MACROD2: variants seen among roughly 807,000 people sequenced by gnomAD.
The protein encoded by MACROD2 is ADP-ribose glycohydrolase MACROD2.
A neutral mutation model predicts 70.4 loss-of-function variants in MACROD2; 36 were observed. The observed-to-expected ratio is 0.51, with a 90% CI of 0.39 to 0.68. The LOEUF is 0.68. MACROD2 is among the 30% of genes least tolerant of loss of function. MACROD2 has a pLI of 0.00. For synonymous variants in MACROD2, 172 were observed against 178.8 expected (o/e 0.96, Z 0.30); for missense variants, 496 against 538.4 (o/e 0.92, Z 0.78).
chr20:14,987,390 T>C (rs565319977), intron 5 of MACROD2, among the ~76,000 whole-genome samples: 32 of 152,324 alleles, frequency 2.1e-4, no homozygotes, highest in Middle Eastern at 3.4e-3. Context: ...TTACTGGGAT[T>C]GTTGCCGCCG....
At chr20:15,072,776 C>T (rs1486865809) in intron 5 of MACROD2, among the ~76,000 whole-genome samples, 1 of 151,988 alleles carries the variant, frequency 6.6e-6, no homozygotes, top group Non-Finnish European at 1.5e-5. Context: ...TCCCCCTTTC[C>T]ACATCTAAAA....
intron 4 of MACROD2, among the ~76,000 whole-genome samples, chr20:14,527,170 G>A (rs1340046660): frequency 6.6e-6 from 1 of 152,184 alleles, no homozygotes; most frequent in Admixed American, 6.5e-5. Flanking sequence ...GCCGACGTCT[G>A]TCAGTTTGTT....
chr20:14,554,987 G>A (rs1347400887), intron 4 of MACROD2, among the ~76,000 whole-genome samples: 1 of 150,542 alleles, frequency 6.6e-6, no homozygotes, highest in Non-Finnish European at 1.5e-5. Context: ...TAGAGGTAGG[G>A]GGTAGGGATG....
Position 15,920,763 on chromosome 20 carries a change from G to T in MACROD2, c.776-12513G>T, listed in dbSNP as rs1425307580. Among the ~76,000 whole-genome samples, 15 of 152,182 alleles carry T rather than the reference G, an allele frequency of 9.9e-5. No homozygotes were observed. In the East Asian group the frequency reaches 2.9e-3, roughly 29 times the overall value. ...CCCTGCTAGCTATGGGTGCTTTGGA[G>T]AATTGCAGAGACTAGAACAACATTT... On this transcript the variant is annotated intron_variant, in intron 10 of 17. Transcript: ENST00000684519.
intron 5 of MACROD2, among the ~76,000 whole-genome samples, chr20:15,189,844 T>A (rs1384593387): frequency 2.0e-5 from 3 of 151,766 alleles, no homozygotes; most frequent in Non-Finnish European, 4.4e-5. Context: ...CCGAGATGAT[T>A]TTTTTTTTCC....
intron 6 of MACROD2, among the ~76,000 whole-genome samples, chr20:15,309,320 T>A (rs1464352005): frequency 6.6e-6 from 1 of 152,204 alleles, no homozygotes; most frequent in Non-Finnish European, 1.5e-5. Context: ...CATTATCTTT[T>A]CCTCCAGGTC....
intron 5 of MACROD2, among the ~76,000 whole-genome samples, chr20:15,158,286 A>G (rs2076323173): frequency 6.6e-6 from 1 of 152,206 alleles, no homozygotes; most frequent in Admixed American, 6.5e-5. Flanking sequence ...ATGATAAGAC[A>G]GTAATTATGA....
At chr20:15,467,195 G>T (rs78870067) in intron 7 of MACROD2, among the ~76,000 whole-genome samples, 1 of 152,232 alleles carries the variant, frequency 6.6e-6, no homozygotes, top group Non-Finnish European at 1.5e-5. Flanking sequence ...AGATCCACGA[G>T]TGATGGGATT....
At chr20:14,539,449 G>T (rs2123228327) in intron 4 of MACROD2, among the ~76,000 whole-genome samples, 1 of 152,234 alleles carries the variant, frequency 6.6e-6, no homozygotes, top group East Asian at 1.9e-4. Flanking sequence ...GAGTGTTGGG[G>T]GAGTGAGGGA....
intron 4 of MACROD2, among the ~76,000 whole-genome samples, chr20:14,534,256 G>C (rs1028908489): frequency 6.6e-6 from 1 of 152,162 alleles, no homozygotes; most frequent in African/African-American, 2.4e-5. Context: ...TGAACAAAGA[G>C]GAACTAAAGG....
chr20:14,708,875 C>G (rs1287994916), intron 5 of MACROD2, among the ~76,000 whole-genome samples: 3 of 152,168 alleles, frequency 2.0e-5, no homozygotes, highest in Non-Finnish European at 4.4e-5. Flanking sequence ...ACCTCGGCCT[C>G]CCAAAGTGCT....
At chr20:14,188,130 A>T (rs927713873) in intron 3 of MACROD2, among the ~76,000 whole-genome samples, 5 of 152,172 alleles carry the variant, frequency 3.3e-5, no homozygotes, top group Non-Finnish European at 1.5e-5. Flanking sequence ...AGAGTTTCTC[A>T]AATTGTGGTC....
intron 5 of MACROD2, among the ~76,000 whole-genome samples, chr20:14,974,055 C>A (rs553979440): frequency 5.1e-4 from 77 of 152,304 alleles, no homozygotes; most frequent in African/African-American, 1.8e-3. Flanking sequence ...TTGGAAATTG[C>A]TGCATCACTA....
At chr20:14,155,451 T>A (rs1424845982) in intron 3 of MACROD2, among the ~76,000 whole-genome samples, 1 of 152,218 alleles carries the variant, frequency 6.6e-6, no homozygotes, top group Non-Finnish European at 1.5e-5. Context: ...ATAGATTGAT[T>A]ATCTGTGGTA....
At chr20:15,791,624 T>C (rs937841022) in intron 8 of MACROD2, among the ~76,000 whole-genome samples, 3 of 151,966 alleles carry the variant, frequency 2.0e-5, no homozygotes, top group African/African-American at 7.2e-5. Flanking sequence ...ATTAGTAGCA[T>C]TGTAAACAAC....
At chr20:15,406,102 A>ACTGCCACATCCTTTCT (rs1451316395) in intron 6 of MACROD2, among the ~76,000 whole-genome samples, 1 of 152,064 alleles carries the variant, frequency 6.6e-6, no homozygotes, top group African/African-American at 2.4e-5. Context: ...AGGTCCTTTC[A>ACTGCCACATCCTTTCT]CTGCCACATC....
At chr20:15,532,352 T>C (rs927464368) in intron 8 of MACROD2, among the ~76,000 whole-genome samples, 3 of 152,156 alleles carry the variant, frequency 2.0e-5, no homozygotes, top group Non-Finnish European at 2.9e-5. Context: ...GAATGTGATA[T>C]GTTAGATGTT....
At chr20:14,210,771 A>G (rs1260692665) in intron 3 of MACROD2, among the ~76,000 whole-genome samples, 1 of 152,224 alleles carries the variant, frequency 6.6e-6, no homozygotes, top group Non-Finnish European at 1.5e-5. Flanking sequence ...GTGCCCAATA[A>G]GAGTGGTAAA....
intron 5 of MACROD2, among the ~76,000 whole-genome samples, chr20:15,066,123 T>A (rs111895141): frequency 2.1e-4 from 31 of 150,810 alleles, no homozygotes; most frequent in African/African-American, 5.8e-4. Context: ...TTTTTTTTTT[T>A]ATTTTTAATT....
Sources: allele counts gnomAD v4.1 joint callset (sites outside exome capture counted in the v4.1 genomes callset), GRCh38; gene constraint gnomAD v4.1.1; transcripts MANE v1.5; gene names NCBI Gene and HGNC (gene_info 2026-07-23, HGNC 2026-07-21).